CSMD3: variants seen among roughly 807,000 people sequenced by gnomAD.
CSMD3 encodes the protein CUB and Sushi multiple domains 3.
In CSMD3, 177 loss-of-function variants were observed where a neutral mutation model predicts 435.2. The ratio of observed to expected loss-of-function variants is 0.41; its 90% confidence interval spans 0.36 to 0.46. CSMD3 has a LOEUF of 0.46. Ranked by LOEUF, CSMD3 falls within the 20% of genes least tolerant of loss-of-function variation. The pLI, the probability that CSMD3 is intolerant of heterozygous loss-of-function variation, is 0.34. For synonymous variants in CSMD3, 1,656 were observed against 1,520.5 expected (o/e 1.09, Z -2.07); for missense variants, 4,265 against 4,504.6 (o/e 0.95, Z 1.52).
intron 13 of CSMD3, among the ~76,000 whole-genome samples, chr8:112,727,431 A>G (rs2076989021): frequency 1.3e-5 from 2 of 151,856 alleles, no homozygotes; most frequent in African/African-American, 2.4e-5. Context: ...TGTGTGAACA[A>G]GATATTTTCT....
At chr8:112,920,994 C>CGA (rs2082723089) in intron 10 of CSMD3, among the ~76,000 whole-genome samples, 1 of 119,050 alleles carries the variant, frequency 8.4e-6, no homozygotes, top group Non-Finnish European at 1.7e-5. Context: ...CATACGCGCG[C>CGA]GCGCACACAC....
intron 16 of CSMD3, among the ~76,000 whole-genome samples, chr8:112,667,946 A>C (rs1409123762): frequency 1.3e-5 from 2 of 151,976 alleles, no homozygotes; most frequent in Non-Finnish European, 2.9e-5. Flanking sequence ...ACACTATTTT[A>C]CTCCTTTTTA....
At chr8:113,087,240 C>T (rs1274080684) in intron 5 of CSMD3, among the ~76,000 whole-genome samples, 1 of 152,148 alleles carries the variant, frequency 6.6e-6, no homozygotes, top group African/African-American at 2.4e-5. Context: ...AGAAGATTAA[C>T]TTGGGTAGGA....
chr8:112,686,458 A>T (rs1184954600), intron 14 of CSMD3, among the ~76,000 whole-genome samples: 1 of 151,830 alleles, frequency 6.6e-6, no homozygotes, highest in Non-Finnish European at 1.5e-5. Flanking sequence ...TTAAGTATTG[A>T]TATATTATCT....
At chr8:113,249,571 A>T (rs2093314859) in intron 3 of CSMD3, among the ~76,000 whole-genome samples, 1 of 152,100 alleles carries the variant, frequency 6.6e-6, no homozygotes, top group South Asian at 2.1e-4. Context: ...GTAAATAAAT[A>T]TATACTAGTA....
chr8:112,952,523 T>C (rs917774083), intron 8 of CSMD3, among the ~76,000 whole-genome samples: 4 of 151,622 alleles, frequency 2.6e-5, no homozygotes, highest in Admixed American at 2.0e-4. Flanking sequence ...ATAATAATGA[T>C]ACAAATTAAA....
intron 2 of CSMD3, among the ~76,000 whole-genome samples, chr8:113,306,321 A>T (rs2093820946): frequency 6.6e-6 from 1 of 152,104 alleles, no homozygotes; most frequent in Admixed American, 6.6e-5. Context: ...CTGAAGGGAG[A>T]AATCTTTATC....
At chr8:112,863,007 T>C (rs910568432) in intron 10 of CSMD3, among the ~76,000 whole-genome samples, 2 of 152,064 alleles carry the variant, frequency 1.3e-5, no homozygotes, top group Non-Finnish European at 2.9e-5. Flanking sequence ...TATTTATTGT[T>C]GTCTCTATTT....
At chr8:112,261,835 T>G (rs899660611) in intron 61 of CSMD3, among the ~76,000 whole-genome samples, 1 of 152,004 alleles carries the variant, frequency 6.6e-6, no homozygotes, top group Non-Finnish European at 1.5e-5. Flanking sequence ...GTGTAATATT[T>G]TTTTCAATCT....
intron 3 of CSMD3, among the ~76,000 whole-genome samples, chr8:113,197,535 ATAT>A (rs1276124559): frequency 1.1e-4 from 17 of 151,338 alleles, no homozygotes; most frequent in African/African-American, 4.1e-4. Flanking sequence ...TTATATGTAT[ATAT>A]TATTATTACT....
chr8:113,373,288 T>A (rs1292509937), intron 1 of CSMD3, among the ~76,000 whole-genome samples: 1 of 152,108 alleles, frequency 6.6e-6, no homozygotes, highest in African/African-American at 2.4e-5. Flanking sequence ...ATTTATTTAC[T>A]CGAAAAAATA....
intron 24 of CSMD3, among the ~76,000 whole-genome samples, chr8:112,567,444 C>T (rs1262976231): frequency 1.3e-5 from 2 of 152,226 alleles, no homozygotes; most frequent in Admixed American, 6.5e-5. Context: ...TGGGCAGGAA[C>T]TTTCTCTTAT....
intron 5 of CSMD3, among the ~76,000 whole-genome samples, chr8:113,025,810 T>A (rs1427281836): frequency 6.6e-6 from 1 of 152,104 alleles, no homozygotes; most frequent in Non-Finnish European, 1.5e-5. Flanking sequence ...TAACTGCCTG[T>A]TCCATTGGAG....
intron 10 of CSMD3, among the ~76,000 whole-genome samples, chr8:112,860,080 C>T (rs994106875): frequency 2.0e-5 from 3 of 151,818 alleles, no homozygotes; most frequent in Non-Finnish European, 4.4e-5. Context: ...ATCATCACCA[C>T]TTTGAAAATC....
intron 38 of CSMD3, among the ~76,000 whole-genome samples, chr8:112,353,096 A>C (rs1263328687): frequency 6.6e-6 from 1 of 152,122 alleles, no homozygotes; most frequent in East Asian, 1.9e-4. Flanking sequence ...AGATACTATA[A>C]TCAAAAAGGA....
chr8:113,285,240 T>C (rs1465740108), intron 2 of CSMD3, among the ~76,000 whole-genome samples: 1 of 151,330 alleles, frequency 6.6e-6, no homozygotes, highest in Non-Finnish European at 1.5e-5. Flanking sequence ...GGGGAGCCAT[T>C]GTCTGACTAG....
chr8:112,323,251 C>A (rs192408404), intron 45 of CSMD3, among the ~76,000 whole-genome samples: 1 of 152,120 alleles, frequency 6.6e-6, no homozygotes, highest in Non-Finnish European at 1.5e-5. Context: ...TAGCTTGCAA[C>A]AATTTTGTTT....
At chr8:112,642,080 T>TTATA (rs570247029) in intron 20 of CSMD3, among the ~76,000 whole-genome samples, 15 of 151,042 alleles carry the variant, frequency 9.9e-5, no homozygotes, top group South Asian at 8.3e-4. Flanking sequence ...TAATTTATGT[T>TTATA]TATATATATA....
At chr8:112,601,451 A>G (rs937083348) in intron 22 of CSMD3, among the ~76,000 whole-genome samples, 1 of 152,338 alleles carries the variant, frequency 6.6e-6, no homozygotes, top group East Asian at 1.9e-4. Context: ...CGAATAAGAT[A>G]CAAACATACA....
Sources: gnomAD v4.1 joint callset for allele counts (sites outside exome capture counted in the v4.1 genomes callset) on GRCh38, gnomAD v4.1.1 for gene constraint, MANE v1.5 for transcripts, NCBI Gene and HGNC (gene_info 2026-07-23, HGNC 2026-07-21) for gene names.